Variants in LHFPL1 observed in about 807,000 individuals in gnomAD.
The protein encoded by LHFPL1 is LHFPL tetraspan subfamily member 1 protein.
Under a neutral mutation model 12.1 loss-of-function variants are expected in LHFPL1, and 4 were observed. The ratio of observed to expected loss-of-function variants is 0.33; its 90% CI spans 0.16 to 0.76. The LOEUF (loss-of-function observed/expected upper bound fraction) is 0.76. Ranked by LOEUF, LHFPL1 falls within the 30% of genes least tolerant of loss-of-function variation. The pLI is 0.61. For synonymous variants in LHFPL1, 52 were observed against 61.9 expected, an observed-to-expected ratio of 0.84 and a Z score of 0.75; for missense variants, 141 against 174.1, an observed-to-expected ratio of 0.81 and a Z score of 1.07.
intron 2 of LHFPL1, among the ~76,000 whole-genome samples, chrX:112,662,906 A>G (rs6643076): frequency 9.8e-5 from 11 of 112,040 alleles, no homozygotes; most frequent in African/African-American, 3.2e-4. Context: ...TTTAATAAAG[A>G]CTGAGTTTTC....
intron 2 of LHFPL1, among the ~76,000 whole-genome samples, chrX:112,669,761 A>G (rs1281941026): frequency 9.0e-6 from 1 of 111,557 alleles, no homozygotes; most frequent in African/African-American, 3.3e-5. Context: ...ACCTTCACCC[A>G]CTTGATGTCA....
At chrX:112,662,571 A>G (rs1213963364) in intron 2 of LHFPL1, among the ~76,000 whole-genome samples, 1 of 112,463 alleles carries the variant, frequency 8.9e-6, no homozygotes, top group Non-Finnish European at 1.9e-5. Context: ...AATAGGGAGA[A>G]TTTACTGACA....
Position 112,633,884 on chromosome X carries a change from G to T in LHFPL1, c.482-2283C>A, listed in dbSNP as rs765641125. Among the ~76,000 whole-genome samples the T allele has an allele frequency of 2.7e-5, 3 of 111,672 alleles. No homozygotes were observed. The South Asian group carries it at 1.1e-3, about 42-fold the overall frequency. ...ACAACAATGGTGGACTCTCAAGACA[G>T]TAAACTGAAGAATACCATATAGAGA... On this transcript the variant is annotated intron_variant, in intron 3 of 3. Transcript: ENST00000371968.
chrX:112,665,189 T>C (rs767037522), intron 2 of LHFPL1, among the ~76,000 whole-genome samples: 1 of 110,107 alleles, frequency 9.1e-6, no homozygotes, highest in African/African-American at 3.3e-5. Flanking sequence ...GTCTCTTTTT[T>C]TTTTTTTTTC....
chrX:112,673,183 A>G (rs1489800581), intron 1 of LHFPL1, among the ~76,000 whole-genome samples: 1 of 111,527 alleles, frequency 9.0e-6, no homozygotes, highest in African/African-American at 3.3e-5. Flanking sequence ...CAATTCCCCT[A>G]TTGATACATA....
intron 2 of LHFPL1, among the ~76,000 whole-genome samples, chrX:112,666,475 GA>G (rs1450460401): frequency 9.0e-6 from 1 of 111,504 alleles, no homozygotes; most frequent in Non-Finnish European, 1.9e-5. Context: ...GAAGAAAAGG[GA>G]ATTCCAGAAA....
Position 112,631,559 on chromosome X carries a change from C to G in LHFPL1, c.524G>C (p.Gly175Ala). The G allele has an allele frequency of 6.6e-6, 8 of 1,209,764 alleles. No homozygotes were observed. The highest frequency in any genetic ancestry group is 8.9e-6 in the Non-Finnish European group (8 of 894,178). Residue 175 changes from glycine to alanine, a missense_variant, in exon 4 of 4, where the codon GGA (glycine) becomes GCA (alanine). By Grantham distance (60) the Gly-to-Ala change is moderately conservative. Coordinates refer to ENST00000371968, the MANE Select transcript of LHFPL1 (RefSeq NM_178175.4). ...LGWAYYCAGGGAAAAMLICTW... is the reference protein window; with the variant it reads ...LGWAYYCAGGAAAAAMLICTW... The stretch of plus-strand genomic sequence containing the variant: ...GCAGATCAACATGGCTGCAGCTGCT[C>G]CACCTCCAGCACAGTAATAGGCCCA...
chrX:112,636,415 C>T (rs1930341593), intron 3 of LHFPL1, among the ~76,000 whole-genome samples: 1 of 112,317 alleles, frequency 8.9e-6, no homozygotes, highest in Non-Finnish European at 1.9e-5. Flanking sequence ...GAGCAATCCT[C>T]ATGTAGACAA....
intron 1 of LHFPL1, among the ~76,000 whole-genome samples, chrX:112,678,102 G>C (rs1326528828): frequency 9.0e-6 from 1 of 111,115 alleles, no homozygotes; most frequent in Admixed American, 9.7e-5. Flanking sequence ...ACTTTGAAAT[G>C]ATCAACTCTA....
intron 1 of LHFPL1, among the ~76,000 whole-genome samples, chrX:112,677,250 A>C (rs977761950): frequency 4.5e-5 from 5 of 111,535 alleles, no homozygotes; most frequent in African/African-American, 9.8e-5. Flanking sequence ...CCAGGGTAAG[A>C]GGGTACAGGC....
chrX:112,646,856 C>A (rs754745093), intron 3 of LHFPL1, among the ~76,000 whole-genome samples: 1 of 111,153 alleles, frequency 9.0e-6, no homozygotes, highest in Non-Finnish European at 1.9e-5. Flanking sequence ...AAAAAAAATT[C>A]TCAAATGACT....
intron 3 of LHFPL1, among the ~76,000 whole-genome samples, chrX:112,653,324 C>T (rs771618800): frequency 9.0e-6 from 1 of 111,489 alleles, no homozygotes; most frequent in East Asian, 2.8e-4. Context: ...CTGGTTCTGC[C>T]AATTACAAGC....
chrX:112,657,512 T>C (rs1931041073), intron 3 of LHFPL1, among the ~76,000 whole-genome samples: 1 of 112,168 alleles, frequency 8.9e-6, no homozygotes, highest in South Asian at 3.7e-4. Flanking sequence ...GGAAAACTCA[T>C]ACTTCCGATT....
intron 1 of LHFPL1, among the ~76,000 whole-genome samples, chrX:112,677,341 T>C (rs1245047707): frequency 9.0e-6 from 1 of 111,412 alleles, no homozygotes; most frequent in East Asian, 2.8e-4. Context: ...GAGGGAAACA[T>C]GCCTGCAAGA....
At chrX:112,661,323 A>T (rs1274159230) in intron 2 of LHFPL1, among the ~76,000 whole-genome samples, 1 of 111,459 alleles carries the variant, frequency 9.0e-6, no homozygotes, top group African/African-American at 3.3e-5. Flanking sequence ...CCTTTTATTT[A>T]GGTTTTTTAG....
At chrX:112,644,321 T>C (rs887243984) in intron 3 of LHFPL1, among the ~76,000 whole-genome samples, 2 of 111,539 alleles carry the variant, frequency 1.8e-5, no homozygotes, top group Non-Finnish European at 1.9e-5. Flanking sequence ...GCTCCTCTCC[T>C]CTAGAAGGGA....
At chrX:112,642,872 C>T (rs777882145) in intron 3 of LHFPL1, among the ~76,000 whole-genome samples, 1 of 110,935 alleles carries the variant, frequency 9.0e-6, no homozygotes, top group African/African-American at 3.3e-5. Flanking sequence ...ACTTTAAGCA[C>T]CTCACTATTT....
intron 2 of LHFPL1, among the ~76,000 whole-genome samples, chrX:112,667,596 T>C (rs1012343446): frequency 1.8e-5 from 2 of 112,657 alleles, no homozygotes; most frequent in African/African-American, 6.5e-5. Context: ...TCACTGAAGA[T>C]AGAGGATCTC....
At chrX:112,663,588 A>C (rs1305942608) in intron 2 of LHFPL1, among the ~76,000 whole-genome samples, 1 of 112,060 alleles carries the variant, frequency 8.9e-6, no homozygotes, top group Non-Finnish European at 1.9e-5. Context: ...GTGAATGTTG[A>C]AACACAGAAA....
Sources: gnomAD v4.1 joint callset for allele counts (sites outside exome capture counted in the v4.1 genomes callset) on GRCh38, gnomAD v4.1.1 for gene constraint, MANE v1.5 for transcripts, NCBI Gene and HGNC (gene_info 2026-07-23, HGNC 2026-07-21) for gene names.